The following GSK3B variants were observed in gnomAD, a reference collection of about 807,000 sequenced individuals.
GSK3B encodes the protein glycogen synthase kinase-3 beta.
A neutral mutation model predicts 56.4 loss-of-function variants in GSK3B; 15 were observed. The observed-to-expected ratio is 0.27, with a 90% CI of 0.18 to 0.41. GSK3B has a LOEUF of 0.41. GSK3B is among the 10% of genes least tolerant of loss of function. GSK3B has a pLI of 1.00. For synonymous variants in GSK3B, 181 were observed against 188.9 expected (o/e 0.96, Z 0.34); for missense variants, 300 against 513.4 (o/e 0.58, Z 4.02).
intron 2 of GSK3B, among the ~76,000 whole-genome samples, chr3:119,998,117 T>G (rs2057641535): frequency 6.6e-6 from 1 of 152,230 alleles, no homozygotes; most frequent in Non-Finnish European, 1.5e-5. Context: ...TTATTTTTTC[T>G]CACTTTGAGA....
At chr3:120,009,824 A>G (rs2057763218) in intron 1 of GSK3B, among the ~76,000 whole-genome samples, 1 of 152,138 alleles carries the variant, frequency 6.6e-6, no homozygotes, top group Non-Finnish European at 1.5e-5. Flanking sequence ...TGTAACCCAC[A>G]ACTTAAAGTA....
At chr3:119,999,728 G>A (rs2057657415) in intron 2 of GSK3B, among the ~76,000 whole-genome samples, 1 of 152,180 alleles carries the variant, frequency 6.6e-6, no homozygotes, top group Non-Finnish European at 1.5e-5. Context: ...AATTTGACCT[G>A]AGTTTTCATA....
chr3:119,864,501 T>C (rs953646013), intron 8 of GSK3B, among the ~76,000 whole-genome samples: 6 of 152,050 alleles, frequency 3.9e-5, no homozygotes, highest in Non-Finnish European at 7.4e-5. Flanking sequence ...CCTTTGAAAT[T>C]AAAGAAAAAT....
intron 1 of GSK3B, among the ~76,000 whole-genome samples, chr3:120,060,683 G>A (rs922879055): frequency 3.3e-5 from 5 of 152,148 alleles, no homozygotes; most frequent in Admixed American, 2.6e-4. Flanking sequence ...CCCTGATCAC[G>A]CCACTTCACT....
chr3:120,040,284 A>G (rs906706334), intron 1 of GSK3B, among the ~76,000 whole-genome samples: 2 of 152,158 alleles, frequency 1.3e-5, no homozygotes, highest in Admixed American at 1.3e-4. Flanking sequence ...TTCCGTGGTC[A>G]CCTCATACAG....
At chr3:120,058,714 C>G (rs1576301806) in intron 1 of GSK3B, among the ~76,000 whole-genome samples, 1 of 152,094 alleles carries the variant, frequency 6.6e-6, no homozygotes, top group East Asian at 1.9e-4. Context: ...AGGACTGTGT[C>G]AAAAGAATAA....
In GSK3B at chr3:120,035,030, T is replaced by C. The variant is rs150172508; in HGVS notation, c.89-32791A>G. Among the ~76,000 whole-genome samples the C allele has an allele frequency of 5.7e-3, 869 of 152,048 alleles. 8 individuals carry two copies. Among genetic ancestry groups the C allele is most frequent in the African/African-American group, 0.018 (735 of 41,446 alleles). ...ATTGCTTGAACCCAGGAGGCGGAGGTTGCAGTGAGCTGAGATCGTGCCACT... is the reference window on the plus strand; with the variant it reads ...ATTGCTTGAACCCAGGAGGCGGAGGCTGCAGTGAGCTGAGATCGTGCCACT... On this transcript the variant is annotated intron_variant, in intron 1 of 10. Transcript: ENST00000264235.
At chr3:119,885,274 A>G (rs1286320914) in intron 7 of GSK3B, among the ~76,000 whole-genome samples, 1 of 151,466 alleles carries the variant, frequency 6.6e-6, no homozygotes, top group African/African-American at 2.4e-5. Flanking sequence ...AAATAAAATA[A>G]AATAAAATAA....
intron 1 of GSK3B, among the ~76,000 whole-genome samples, chr3:120,059,666 T>C (rs945465221): frequency 6.6e-6 from 1 of 152,220 alleles, no homozygotes; most frequent in Non-Finnish European, 1.5e-5. Flanking sequence ...CAAAAGGCTA[T>C]GCCAGTTAGG....
At chr3:119,883,206 A>G (rs967820379) in intron 7 of GSK3B, among the ~76,000 whole-genome samples, 2 of 152,142 alleles carry the variant, frequency 1.3e-5, no homozygotes, top group Non-Finnish European at 2.9e-5. Flanking sequence ...GGTTCTCCTT[A>G]GGGTGGCTGA....
intron 7 of GSK3B, among the ~76,000 whole-genome samples, chr3:119,901,873 A>G (rs2056628118): frequency 6.6e-6 from 1 of 152,228 alleles, no homozygotes; most frequent in Non-Finnish European, 1.5e-5. Flanking sequence ...AGCTTATTAT[A>G]TGATTATCCA....
chr3:119,887,167 T>C (rs952127123), intron 7 of GSK3B, among the ~76,000 whole-genome samples: 2 of 152,126 alleles, frequency 1.3e-5, no homozygotes, highest in African/African-American at 4.8e-5. Context: ...CTTAATAGAA[T>C]GCCATGCAAA....
chr3:119,917,785 A>G (rs565886574), intron 4 of GSK3B, among the ~76,000 whole-genome samples: 1 of 152,200 alleles, frequency 6.6e-6, no homozygotes, highest in East Asian at 1.9e-4. Flanking sequence ...TTTATCTAGA[A>G]AAGTCAAGAT....
chr3:119,973,545 A>C (rs1362409878), intron 2 of GSK3B, among the ~76,000 whole-genome samples: 1 of 152,150 alleles, frequency 6.6e-6, no homozygotes, highest in Admixed American at 6.5e-5. Context: ...GCTATGTCAC[A>C]AGGCCTATGT....
chr3:119,823,694 C>T lies in GSK3B; in HGVS notation c.*3094G>A, dbSNP rs957102207. 5.4e-6 allele frequency: 1 copy of T among 184,098 alleles called. No homozygotes were observed. Among genetic ancestry groups the T allele is most frequent in the Non-Finnish European group, 1.2e-5 (1 of 86,766 alleles). 11.4% of individuals were successfully genotyped at this position (184,098 alleles called of 1,614,324 possible). On this transcript the variant is annotated 3_prime_UTR_variant, in exon 11 of 11. Transcript: ENST00000264235. ...GTATGAAATGAAACCGGTCTCACTG[C>T]TACCGAGGAGGAAAGACATTCAGAA...
At chr3:120,061,507 C>T (rs2058236314) in intron 1 of GSK3B, among the ~76,000 whole-genome samples, 1 of 152,064 alleles carries the variant, frequency 6.6e-6, no homozygotes, top group Non-Finnish European at 1.5e-5. Context: ...TGTGTGAATA[C>T]CACAGGAGTG....
At chr3:119,944,475 A>C (rs1042717990) in intron 3 of GSK3B, among the ~76,000 whole-genome samples, 25 of 152,170 alleles carry the variant, frequency 1.6e-4, no homozygotes, top group Admixed American at 9.2e-4. Context: ...ACCTAAAGGC[A>C]CTGGTTTCCT....
At chr3:119,953,464 A>G (rs2057179138) in intron 2 of GSK3B, among the ~76,000 whole-genome samples, 1 of 152,134 alleles carries the variant, frequency 6.6e-6, no homozygotes, top group Non-Finnish European at 1.5e-5. Flanking sequence ...GACACAAACA[A>G]CTTAAAAGTA....
At chr3:120,055,191 T>G (rs1174977568) in intron 1 of GSK3B, among the ~76,000 whole-genome samples, 1 of 152,170 alleles carries the variant, frequency 6.6e-6, no homozygotes, top group Non-Finnish European at 1.5e-5. Context: ...AAAAAAAATG[T>G]GTCTTGTTCT....
Sources: gnomAD v4.1 joint callset for allele counts (sites outside exome capture counted in the v4.1 genomes callset) on GRCh38, gnomAD v4.1.1 for gene constraint, MANE v1.5 for transcripts, NCBI Gene and HGNC (gene_info 2026-07-23, HGNC 2026-07-21) for gene names.